Variants in LHFPL3 observed in about 807,000 individuals in gnomAD.
LHFPL3 encodes the protein LHFPL tetraspan subfamily member 3.
A neutral mutation model predicts 19.3 loss-of-function variants in LHFPL3; 5 were observed. The observed-to-expected ratio is 0.26, with a 90% CI of 0.14 to 0.54. LHFPL3 has a LOEUF of 0.54. Among genes scored for constraint, LHFPL3 ranks in the 20% least tolerant of loss-of-function variants. The pLI is 0.94. For missense variants in LHFPL3, 249 were observed against 307.4 expected, an observed-to-expected ratio of 0.81 and a Z score of 1.42; for synonymous variants, 133 against 126.2, an observed-to-expected ratio of 1.05 and a Z score of -0.36.
intron 1 of LHFPL3, among the ~76,000 whole-genome samples, chr7:104,344,606 A>G (rs1790028787): frequency 6.6e-6 from 1 of 152,234 alleles, no homozygotes. Flanking sequence ...ATTCTTTTTT[A>G]TGGCTGAATA....
chr7:104,859,613 G>T (rs1791575891), intron 2 of LHFPL3, among the ~76,000 whole-genome samples: 1 of 152,126 alleles, frequency 6.6e-6, no homozygotes, highest in Non-Finnish European at 1.5e-5. Flanking sequence ...AGGTTTCGGT[G>T]AGCTGAGATC....
intron 1 of LHFPL3, among the ~76,000 whole-genome samples, chr7:104,678,457 T>A (rs986157338): frequency 6.6e-6 from 1 of 152,222 alleles, no homozygotes; most frequent in Admixed American, 6.5e-5. Context: ...GAAAAAATCC[T>A]CCTCTTTTCT....
At chr7:104,557,851 C>A (rs1369400759) in intron 1 of LHFPL3, among the ~76,000 whole-genome samples, 2 of 150,098 alleles carry the variant, frequency 1.3e-5, no homozygotes, top group East Asian at 3.9e-4. Context: ...ACCACAGTCC[C>A]CAGAGTGTGA....
chr7:104,722,509 T>A (rs1246259939), intron 1 of LHFPL3, among the ~76,000 whole-genome samples: 2 of 152,212 alleles, frequency 1.3e-5, no homozygotes, highest in Non-Finnish European at 2.9e-5. Context: ...TGTGTTTTCT[T>A]CACCACACTC....
chr7:104,733,437 T>C (rs1341758094), intron 1 of LHFPL3, among the ~76,000 whole-genome samples: 1 of 152,246 alleles, frequency 6.6e-6, no homozygotes, highest in African/African-American at 2.4e-5. Context: ...TTAGGATAGT[T>C]AGCTCTTCTT....
chr7:104,523,953 C>G (rs1794132397), intron 1 of LHFPL3, among the ~76,000 whole-genome samples: 1 of 152,126 alleles, frequency 6.6e-6, no homozygotes, highest in African/African-American at 2.4e-5. Flanking sequence ...TTAAAAAATT[C>G]CTTCAGATGA....
At chr7:104,894,216 G>C (rs1792310568) in intron 2 of LHFPL3, among the ~76,000 whole-genome samples, 5 of 152,180 alleles carry the variant, frequency 3.3e-5, no homozygotes. Context: ...TTTTGTCATT[G>C]TTAAAATAGC....
intron 1 of LHFPL3, among the ~76,000 whole-genome samples, chr7:104,545,690 G>C (rs1794566326): frequency 6.6e-6 from 1 of 152,210 alleles, no homozygotes; most frequent in Non-Finnish European, 1.5e-5. Context: ...GAAGGTGAGA[G>C]CAGGAACGTA....
At chr7:104,638,680 G>A (rs985230131) in intron 1 of LHFPL3, among the ~76,000 whole-genome samples, 2 of 151,678 alleles carry the variant, frequency 1.3e-5, no homozygotes, top group African/African-American at 4.8e-5. Flanking sequence ...TGGTTTATAC[G>A]ATGTATCAAT....
chr7:104,541,085 T>G (rs1794476293), intron 1 of LHFPL3, among the ~76,000 whole-genome samples: 1 of 144,516 alleles, frequency 6.9e-6, no homozygotes, highest in Non-Finnish European at 1.5e-5. Flanking sequence ...TTATTTTCCA[T>G]ATACACATCC....
intron 1 of LHFPL3, among the ~76,000 whole-genome samples, chr7:104,688,755 C>T (rs1792851035): frequency 6.6e-6 from 1 of 152,086 alleles, no homozygotes; most frequent in Non-Finnish European, 1.5e-5. Context: ...CCTGGCAGGC[C>T]CCTAGAGATG....
intron 1 of LHFPL3, among the ~76,000 whole-genome samples, chr7:104,695,659 G>C (rs976314138): frequency 3.3e-5 from 5 of 152,090 alleles, no homozygotes; most frequent in African/African-American, 1.2e-4. Context: ...GATGAAATAG[G>C]GTGACAAGAG....
chr7:104,635,624 G>T (rs1198218105), intron 1 of LHFPL3, among the ~76,000 whole-genome samples: 1 of 152,230 alleles, frequency 6.6e-6, no homozygotes, highest in East Asian at 1.9e-4. Flanking sequence ...TTTCAGACAT[G>T]CATGCAGTCA....
intron 1 of LHFPL3, among the ~76,000 whole-genome samples, chr7:104,647,008 A>T (rs930198022): frequency 1.3e-5 from 2 of 152,188 alleles, no homozygotes; most frequent in Admixed American, 1.3e-4. Context: ...TCCCAGCATG[A>T]TGTATCCCAT....
intron 1 of LHFPL3, among the ~76,000 whole-genome samples, chr7:104,448,541 G>A (rs1334347355): frequency 6.6e-6 from 1 of 152,180 alleles, no homozygotes; most frequent in Non-Finnish European, 1.5e-5. Context: ...TTGATAGCCT[G>A]TCAATCCACA....
intron 2 of LHFPL3, among the ~76,000 whole-genome samples, chr7:104,852,791 T>TG (rs1791436654): frequency 6.6e-6 from 1 of 152,224 alleles, no homozygotes. Context: ...TACTGGAGCA[T>TG]GGGGCATGGG....
intron 1 of LHFPL3, among the ~76,000 whole-genome samples, chr7:104,674,967 A>G (rs1345664122): frequency 1.3e-5 from 2 of 152,240 alleles, no homozygotes; most frequent in Non-Finnish European, 2.9e-5. Flanking sequence ...GTAGGGTACT[A>G]TTCTAGGTAG....
chr7:104,841,368 G>T (rs1250020747), intron 2 of LHFPL3, among the ~76,000 whole-genome samples: 1 of 152,024 alleles, frequency 6.6e-6, no homozygotes, highest in Non-Finnish European at 1.5e-5. Flanking sequence ...TCTTCACCTC[G>T]ATTTATTTTC....
At chr7:104,603,025 G>A (rs535206663) in intron 1 of LHFPL3, among the ~76,000 whole-genome samples, 12 of 151,958 alleles carry the variant, frequency 7.9e-5, no homozygotes, top group African/African-American at 2.9e-4. Flanking sequence ...TCTCAACACT[G>A]TTACAATGAG....
Sources: gnomAD v4.1 joint callset for allele counts (sites outside exome capture counted in the v4.1 genomes callset) on GRCh38, gnomAD v4.1.1 for gene constraint, MANE v1.5 for transcripts, NCBI Gene and HGNC (gene_info 2026-07-23, HGNC 2026-07-21) for gene names.